The following SMARCA5 variants were observed in gnomAD, a reference collection of about 807,000 sequenced individuals.
The protein encoded by SMARCA5 is SWI/SNF-related matrix-associated actin-dependent regulator of chromatin subfamily A member 5.
A neutral mutation model predicts 140.4 loss-of-function variants in SMARCA5; 18 were observed. That is an observed-to-expected ratio of 0.13 (90% CI 0.09 to 0.19). The LOEUF (loss-of-function observed/expected upper bound fraction) is 0.19. Ranked by LOEUF, SMARCA5 falls within the 10% of genes least tolerant of loss-of-function variation. The pLI, the probability that SMARCA5 is intolerant of heterozygous loss-of-function variation, is 1.00. For synonymous variants in SMARCA5, 449 were observed against 419.6 expected (o/e 1.07, Z -0.86); for missense variants, 606 against 1,276.8 (o/e 0.47, Z 8.01).
intron 10 of SMARCA5, among the ~76,000 whole-genome samples, chr4:143,535,323 A>G (rs1055989664): frequency 6.6e-6 from 1 of 152,174 alleles, no homozygotes; most frequent in Admixed American, 6.5e-5. Context: ...GGGTCAGTGT[A>G]AAGTAGCTGC....
chr4:143,528,480 G>A (rs567240899), intron 7 of SMARCA5, 103 bp from the exon 8 acceptor site: 24 of 926,724 alleles, frequency 2.6e-5, no homozygotes, highest in African/African-American at 3.4e-5. Flanking sequence ...TTCTTTAACC[G>A]GTCTATCATT....
intron 13 of SMARCA5, among the ~76,000 whole-genome samples, chr4:143,539,164 A>G (rs1464681106): frequency 6.6e-6 from 1 of 152,074 alleles, no homozygotes; most frequent in Non-Finnish European, 1.5e-5. Context: ...ACTGCATCCT[A>G]TTGGCAGAAG....
At chr4:143,528,935 T>A (rs144736045) in intron 8 of SMARCA5, among the ~76,000 whole-genome samples, 1,880 of 152,126 alleles carry the variant, frequency 0.012, 13 homozygotes, top group Non-Finnish European at 0.018. Flanking sequence ...TTATTATTAT[T>A]ATTATTTTAT....
intron 9 of SMARCA5, among the ~76,000 whole-genome samples, chr4:143,530,758 T>TA (rs909872219): frequency 1.3e-5 from 2 of 152,196 alleles, no homozygotes; most frequent in Admixed American, 6.5e-5. Flanking sequence ...AGTATTCTCT[T>TA]ACAGTTATAC....
In SMARCA5 at chr4:143,538,091, G is replaced by A. The variant is rs1034432583; in HGVS notation, c.1496-499G>A. ...GTATTATGTAGCTGCCTAAAGAAGT[G>A]GAAGGCAGTCGGATAGTTTGAATCA... is the stretch of plus-strand genomic sequence containing the variant. On this transcript the variant is annotated intron_variant, in intron 11 of 23. Coordinates refer to ENST00000283131, the MANE Select transcript of SMARCA5 (RefSeq NM_003601.4). Among the ~76,000 whole-genome samples the A allele has an allele frequency of 4.6e-5, 7 of 152,118 alleles. No homozygotes were observed. In the East Asian group the frequency reaches 1.3e-3, roughly 29 times the overall value.
At chr4:143,543,390 C>A in intron 14 of SMARCA5, 119 bp from the exon 15 acceptor site, 2 of 848,298 alleles carry the variant, frequency 2.4e-6, no homozygotes, top group Non-Finnish European at 3.5e-6. Flanking sequence ...AAACAGTAAA[C>A]AGAAATGATT....
intron 1 of SMARCA5, among the ~76,000 whole-genome samples, chr4:143,516,264 T>G (rs1453000977): frequency 4.0e-5 from 6 of 151,464 alleles, no homozygotes; most frequent in Admixed American, 3.9e-4. Context: ...AGCCTTCCTA[T>G]GTATTCAGTT....
intron 9 of SMARCA5, among the ~76,000 whole-genome samples, chr4:143,533,088 A>G (rs1560816862): frequency 6.6e-6 from 1 of 152,234 alleles, no homozygotes; most frequent in South Asian, 2.1e-4. Flanking sequence ...TGTGTAGTTA[A>G]TTTTAAAACT....
chr4:143,545,495 A>T lies in SMARCA5; in HGVS notation c.2309A>T (p.Asn770Ile), dbSNP rs781165221. 2 of 1,612,616 alleles carry T rather than the reference A, an allele frequency of 1.2e-6. No individual in the cohort carries two copies. The highest frequency in any genetic ancestry group is 1.7e-5 in the Admixed American group (1 of 59,866). The change falls in exon 18 of 24, where the codon AAT becomes ATT. Residue 770 changes from asparagine (N) to isoleucine (I), a missense_variant. Asn to Ile is a moderately radical substitution (Grantham distance 149). This residue lies in a region of SMARCA5 where 62 missense variants were observed against 256.6 expected (regional missense o/e 0.24). Transcript: ENST00000283131. Reference sequence around the variant, plus strand: ...GCTCCTCGACCTCCAAAACAACCCAATGTTCAGGATTTCCAGTTCTTTCCT... The same window carrying T: ...GCTCCTCGACCTCCAAAACAACCCATTGTTCAGGATTTCCAGTTCTTTCCT... ...PKAPRPPKQP[N>I]VQDFQFFPPR...
chr4:143,542,718 G>GT (rs777547432), intron 14 of SMARCA5, among the ~76,000 whole-genome samples: 2 of 152,060 alleles, frequency 1.3e-5, no homozygotes, highest in Admixed American at 6.6e-5. Flanking sequence ...GTTTTTGTTT[G>GT]TTTTTTTATA....
At chr4:143,515,207 G>A (rs560015044) in intron 1 of SMARCA5, among the ~76,000 whole-genome samples, 1 of 152,230 alleles carries the variant, frequency 6.6e-6, no homozygotes, top group Admixed American at 6.5e-5. Context: ...TTACCATTGA[G>A]GCTTTTGGCA....
chr4:143,513,704 C>G lies in SMARCA5; in HGVS notation c.-221C>G. 3 of 569,686 alleles carry G rather than the reference C, an allele frequency of 5.3e-6. No individual in the cohort carries two copies. Among genetic ancestry groups the G allele is most frequent in the South Asian group, 2.2e-5 (1 of 46,226 alleles). 35.3% of individuals were successfully genotyped at this position (569,686 alleles called of 1,614,324 possible). On this transcript the variant is annotated 5_prime_UTR_variant, in exon 1 of 24. Transcript: ENST00000283131. ...GTGATTCCCGCCGTGAGGTAAGCGCCGGTGGAACCTAGAGCCCCGCGGAAG... is the reference window on the plus strand; with the variant it reads ...GTGATTCCCGCCGTGAGGTAAGCGCGGGTGGAACCTAGAGCCCCGCGGAAG...
chr4:143,550,960 T>C (rs1213638422), intron 23 of SMARCA5, among the ~76,000 whole-genome samples: 3 of 152,068 alleles, frequency 2.0e-5, no homozygotes, highest in Admixed American at 6.6e-5. Context: ...GTAACTCTTA[T>C]CTGTAGTTTT....
At chr4:143,520,886 A>G (rs1390371971) in intron 2 of SMARCA5, among the ~76,000 whole-genome samples, 2 of 152,176 alleles carry the variant, frequency 1.3e-5, no homozygotes, top group Non-Finnish European at 2.9e-5. Flanking sequence ...AAAGGAAGGA[A>G]TAGTATCAAT....
intron 11 of SMARCA5, among the ~76,000 whole-genome samples, chr4:143,537,253 T>C (rs542892077): frequency 6.6e-6 from 1 of 152,328 alleles, no homozygotes; most frequent in East Asian, 1.9e-4. Flanking sequence ...ATACCCTTCC[T>C]CCTCCCAGAT....
rs58679947 is a variant in SMARCA5, at chr4:143,521,893, CAA to C, written c.419+321_419+322del. Reference sequence around the variant, plus strand: ...GCAACGTAGGGAGATCCCATCTCTACAAAAAAAAAAAAAAAAAAAAAAAAGAA... The same window carrying C: ...GCAACGTAGGGAGATCCCATCTCTACAAAAAAAAAAAAAAAAAAAAAAGAA... On this transcript the variant is annotated intron_variant, in intron 3 of 23. Coordinates refer to ENST00000283131, the MANE Select transcript of SMARCA5 (RefSeq NM_003601.4). 1.3e-4 allele frequency among the ~76,000 whole-genome samples: 6 copies of C among 44,800 alleles called. 1 individual carries two copies. Among genetic ancestry groups the C allele is most frequent in the South Asian group, 9.1e-4 (1 of 1,098 alleles). 29.4% of individuals were successfully genotyped at this position (44,800 alleles called of 152,430 possible).
intron 9 of SMARCA5, among the ~76,000 whole-genome samples, chr4:143,531,157 T>C (rs1052364479): frequency 4.6e-5 from 7 of 152,206 alleles, no homozygotes; most frequent in African/African-American, 1.7e-4. Flanking sequence ...TCAATTTACA[T>C]TCCATGGAAG....
chr4:143,539,000 A>G, intron 13 of SMARCA5, 62 bp downstream of exon 13: 2 of 1,392,328 alleles, frequency 1.4e-6, no homozygotes, highest in Non-Finnish European at 1.0e-6. Context: ...GGACAGGCTA[A>G]TTCTACAAAT....
chr4:143,518,257 A>C (rs1736884617), intron 2 of SMARCA5, among the ~76,000 whole-genome samples: 2 of 152,206 alleles, frequency 1.3e-5, no homozygotes, highest in South Asian at 4.1e-4. Context: ...TGACTTAAAC[A>C]GTACCTACAC....
Sources: allele counts gnomAD v4.1 joint callset (sites outside exome capture counted in the v4.1 genomes callset), GRCh38; gene constraint gnomAD v4.1.1; regional missense constraint gnomAD v4.1.1; transcripts MANE v1.5; gene names NCBI Gene and HGNC (gene_info 2026-07-23, HGNC 2026-07-21).